The following CRB2 variants were observed in gnomAD, a reference collection of about 807,000 sequenced individuals.
CRB2 encodes the protein crumbs cell polarity complex component 2.
CRB2 carries 85 observed loss-of-function variants against 110.9 expected under a neutral mutation model. That is an observed-to-expected ratio of 0.77 (90% confidence interval 0.64 to 0.92). CRB2 has a LOEUF of 0.92. Among genes scored for constraint, CRB2 ranks in the 40% least tolerant of loss-of-function variants. The pLI is 0.00. For missense variants in CRB2, 1,843 were observed against 1,851.3 expected, an observed-to-expected ratio of 1.00 and a Z score of 0.08; for synonymous variants, 907 against 831.0, an observed-to-expected ratio of 1.09 and a Z score of -1.57.
chr9:123,373,471 C>T lies in CRB2; in HGVS notation c.2940C>T (p.Ala980=), dbSNP rs944820637. The change falls in exon 10 of 13, where the codon GCC becomes GCT. Residue 980 remains alanine (A), a synonymous_variant. Coordinates refer to ENST00000373631, the MANE Select transcript of CRB2 (RefSeq NM_173689.7). ...TSRWLLWLDG[A]ATPVALRGLA... ...GCTGGCTGCTGTGGCTGGATGGTGC[C>T]GCCACCCCGGTGGCGCTGCGCGGCC... 4.1e-6 allele frequency: 6 copies of T among 1,452,630 alleles called. No individual in the cohort carries two copies. Among genetic ancestry groups the T allele is most frequent in the African/African-American group, 1.5e-5 (1 of 67,658 alleles). The allele number at this position is 1,452,630 out of a possible 1,614,324, so 90.0% of individuals were successfully genotyped here.
At chr9:123,369,069 G>C in intron 6 of CRB2, 2 of 681,226 alleles carry the variant, frequency 2.9e-6, no homozygotes, top group Non-Finnish European at 3.9e-6. Flanking sequence ...CTCTGGGCCT[G>C]GGTTCCTCCA....
intron 1 of CRB2, 58 bp downstream of exon 1, chr9:123,356,412 T>C (rs2041799540): frequency 7.3e-7 from 1 of 1,361,536 alleles, no homozygotes; most frequent in East Asian, 2.6e-5. Flanking sequence ...CCAAGACAGA[T>C]ACCCCAAGCC....
chr9:123,371,571 T>G lies in CRB2; in HGVS notation c.2429T>G (p.Met810Arg). 1.9e-6 allele frequency: 3 copies of G among 1,612,736 alleles called. No individual in the cohort carries two copies. The highest frequency in any genetic ancestry group is 2.5e-6 in the Non-Finnish European group (3 of 1,179,998). The change falls in exon 8 of 13, where the codon ATG becomes AGG. Residue 810 changes from methionine (M) to arginine (R), a missense_variant. Physicochemically the swap from Met to Arg is moderately conservative, Grantham distance 91. Transcript: ENST00000373631. ...NLTAGCVSED[M>R]CSPDPCFNGG... ...ACTGCGGGCTGCGTCTCCGAGGACA[T>G]GTGCAGTGTAAGTGTCTGGTGGCGG...
intron 6 of CRB2, among the ~76,000 whole-genome samples, chr9:123,369,314 A>G (rs1011845590): frequency 2.2e-4 from 33 of 152,184 alleles, no homozygotes; most frequent in African/African-American, 7.5e-4. Context: ...CATAAAAGCC[A>G]TGTCAGGCCC....
In CRB2 at chr9:123,370,748, G is replaced by C. The variant is rs202013724; in HGVS notation, c.1695G>C (p.Gly565=). ...CTTCGGCAACTCCGCTGCCTGCCGG[G>C]ATCTCCTCTGCCCAGCTGGGGGACG... ...STASATPLPA[G]ISSAQLGDAT... Residue 565 remains glycine (G), a synonymous_variant, in exon 7 of 13, where the codon GGG becomes GGC. Coordinates refer to ENST00000373631, the MANE Select transcript of CRB2 (RefSeq NM_173689.7). 1.2e-6 allele frequency: 2 copies of C among 1,602,904 alleles called. No homozygotes were observed. The highest frequency in any genetic ancestry group is 2.2e-5 in the East Asian group (1 of 44,880).
intron 4 of CRB2, among the ~76,000 whole-genome samples, chr9:123,366,748 C>G (rs2041938012): frequency 6.6e-6 from 1 of 151,996 alleles, no homozygotes; most frequent in Non-Finnish European, 1.5e-5. Context: ...GTCAGGAGTT[C>G]AAGACCAGCC....
At chr9:123,356,495 C>T (rs1357056540) in intron 1 of CRB2, 141 bp downstream of exon 1, 9 of 365,842 alleles carry the variant, frequency 2.5e-5, no homozygotes, top group East Asian at 1.1e-4. Flanking sequence ...CAGGAGTGCG[C>T]GGCTGTGGCC....
intron 2 of CRB2, 127 bp downstream of exon 2, chr9:123,363,315 AGGGTATATC>A: frequency 1.0e-6 from 1 of 996,186 alleles, no homozygotes; most frequent in South Asian, 1.6e-5. Context: ...GGGCAGCTCT[AGGGTATATC>A]CACTTGGTCT....
At position 123,375,364 on chromosome 9, in the gene CRB2, G is replaced by A. The variant is rs566791782; in HGVS notation, c.3633+21G>A. 1.9e-6 allele frequency: 3 copies of A among 1,565,162 alleles called. No individual in the cohort carries two copies. The African/African-American group carries it at 4.0e-5, about 21-fold the overall frequency. ...TGGCGGTGAGTGTTGTCAGGGGTGA[G>A]GGGCCGTGGACGTGGCCTGCTGGGC... On this transcript the variant is annotated intron_variant, in intron 12 of 12. Coordinates refer to ENST00000373631, the MANE Select transcript of CRB2 (RefSeq NM_173689.7).
At chr9:123,365,313 TG>T (rs1361928933) in intron 2 of CRB2, among the ~76,000 whole-genome samples, 3 of 152,044 alleles carry the variant, frequency 2.0e-5, no homozygotes, top group Non-Finnish European at 4.4e-5. Context: ...AAAATGTAGG[TG>T]GGACCAAGTC....
upstream of CRB2, among the ~76,000 whole-genome samples, chr9:123,355,843 A>T (rs2041791236): frequency 6.7e-6 from 1 of 149,384 alleles, no homozygotes; most frequent in Non-Finnish European, 1.5e-5. Context: ...AGAGGTGGGG[A>T]GGGGGATCCA....
chr9:123,364,074 G>C (rs2041899437), intron 2 of CRB2, among the ~76,000 whole-genome samples: 1 of 152,218 alleles, frequency 6.6e-6, no homozygotes, highest in Non-Finnish European at 1.5e-5. Context: ...TGGGGGGCTG[G>C]GTTCCAGGGC....
Position 123,373,529 on chromosome 9 carries a change from G to C in CRB2, c.2998G>C (p.Gly1000Arg). 6.7e-7 allele frequency: 1 copy of C among 1,484,394 alleles called. No homozygotes were observed. The highest frequency in any genetic ancestry group is 2.2e-5 in the Admixed American group (1 of 44,832). 92.0% of individuals were successfully genotyped at this position (1,484,394 alleles called of 1,614,324 possible). Residue 1000 changes from glycine to arginine, a missense_variant, in exon 10 of 13, where the codon GGT becomes CGT. Coordinates refer to ENST00000373631, the MANE Select transcript of CRB2 (RefSeq NM_173689.7). ...TGACCTGGGCTTCCTGCAGGGCCCG[G>C]GTGCTGTGCGCATCCTGCTGGCTGA... Reference protein sequence around the residue: ...ASDLGFLQGPGAVRILLAENF... With the variant: ...ASDLGFLQGPRAVRILLAENF...
At chr9:123,364,099 G>A (rs2041899861) in intron 2 of CRB2, among the ~76,000 whole-genome samples, 3 of 152,344 alleles carry the variant, frequency 2.0e-5, no homozygotes, top group African/African-American at 4.8e-5. Context: ...GGCCTACAGC[G>A]AAGAGATGGC....
chr9:123,373,712 G>T lies in CRB2; in HGVS notation c.3181G>T (p.Ala1061Ser). Residue 1061 changes from alanine (A) to serine (S), a missense_variant, in exon 10 of 13, where the codon GCG becomes TCG. Transcript: ENST00000373631. The part of the protein sequence containing the change: ...ILGCRGAPVC[A>S]PSPCLHDGAC... ...CGGCTGCCGCGGCGCGCCCGTGTGTGCGCCCTCGCCCTGTCTGCACGACGG... is the reference window on the plus strand; with the variant it reads ...CGGCTGCCGCGGCGCGCCCGTGTGTTCGCCCTCGCCCTGTCTGCACGACGG... 1 of 1,522,658 alleles carries T rather than the reference G, an allele frequency of 6.6e-7. No individual in the cohort carries two copies. Among genetic ancestry groups the T allele is most frequent in the East Asian group, 2.7e-5 (1 of 37,268 alleles). The allele number at this position is 1,522,658 out of a possible 1,614,324, so 94.3% of individuals were successfully genotyped here.
chr9:123,372,337 T>G lies in CRB2; in HGVS notation c.2597T>G (p.Phe866Cys). 6.3e-7 allele frequency: 1 copy of G among 1,595,438 alleles called. No homozygotes were observed. The highest frequency in any genetic ancestry group is 8.5e-7 in the Non-Finnish European group (1 of 1,170,454). The change falls in exon 9 of 13, where the codon TTT becomes TGT. Residue 866 changes from phenylalanine to cysteine, a missense_variant. By Grantham distance (205) the Phe-to-Cys change is radical. Transcript: ENST00000373631. ...PATCEEVPDG[F>C]VCVAEATFRE... Reference sequence around the variant, plus strand: ...ACGTGTGAGGAGGTCCCTGATGGCTTTGTGTGTGAGTGTGTGTCCTGGGCA... The same window carrying G: ...ACGTGTGAGGAGGTCCCTGATGGCTGTGTGTGTGAGTGTGTGTCCTGGGCA...
At position 123,376,943 on chromosome 9, in the gene CRB2, G is replaced by A; in HGVS notation, c.3739G>A (p.Ala1247Thr). ...CCTGGGCCTCCTTTCAGGGATCCTG[G>A]CAGCCCGAAAGCGCCGCCAGTCTGA... ...LLLGLLSGIL[A>T]ARKRRQSEGT... Residue 1247 changes from alanine to threonine, a missense_variant, in exon 13 of 13, where the codon GCA becomes ACA. Coordinates refer to ENST00000373631, the MANE Select transcript of CRB2 (RefSeq NM_173689.7). 1 of 1,606,728 alleles carries A rather than the reference G, an allele frequency of 6.2e-7. No individual in the cohort carries two copies.
intron 12 of CRB2, 122 bp downstream of exon 12, chr9:123,375,465 C>A: frequency 8.2e-7 from 1 of 1,213,618 alleles, no homozygotes; most frequent in Non-Finnish European, 1.1e-6. Flanking sequence ...TGGGGTGGGG[C>A]AGTGAGAGGA....
In CRB2 at chr9:123,365,214, G is replaced by T. The variant is rs1002903494; in HGVS notation, c.419-703G>T. 2.6e-5 allele frequency among the ~76,000 whole-genome samples: 4 copies of T among 152,182 alleles called. No individual in the cohort carries two copies. The South Asian group carries it at 8.3e-4, about 32-fold the overall frequency. On this transcript the variant is annotated intron_variant, in intron 2 of 12. Transcript: ENST00000373631. The stretch of plus-strand genomic sequence containing the variant: ...GTGGGCAGAGATTGCAGTGGGCTAA[G>T]ATTGCAGCACTGCACTCCAGCCTGG...
Sources: gnomAD v4.1 joint callset for allele counts (sites outside exome capture counted in the v4.1 genomes callset) on GRCh38, gnomAD v4.1.1 for gene constraint, MANE v1.5 for transcripts, NCBI Gene and HGNC (gene_info 2026-07-23, HGNC 2026-07-21) for gene names.